MEIS2: variants seen among roughly 807,000 people sequenced by gnomAD.
MEIS2 encodes the protein homeobox protein Meis2.
MEIS2 carries 9 observed loss-of-function variants against 58.6 expected under a neutral mutation model. The observed-to-expected ratio is 0.15, with a 90% confidence interval of 0.09 to 0.27. The LOEUF (loss-of-function observed/expected upper bound fraction) is 0.27. MEIS2 is among the 10% of genes least tolerant of loss of function. The pLI, the probability that MEIS2 is intolerant of heterozygous loss-of-function variation, is 1.00. For synonymous variants in MEIS2, 221 were observed against 228.4 expected (o/e 0.97, Z 0.29); for missense variants, 427 against 635.0 (o/e 0.67, Z 3.52).
intron 10 of MEIS2, 34 bp downstream of exon 10, chr15:36,896,594 T>A: frequency 6.5e-7 from 1 of 1,541,840 alleles, no homozygotes; most frequent in South Asian, 1.2e-5. Flanking sequence ...TTTGTGCCTG[T>A]GGGACATAAA....
intron 8 of MEIS2, among the ~76,000 whole-genome samples, chr15:37,036,196 C>T (rs993808435): frequency 6.6e-6 from 1 of 152,118 alleles, no homozygotes; most frequent in Non-Finnish European, 1.5e-5. Context: ...CAGAAGTGAA[C>T]ATGGTTAGCT....
intron 8 of MEIS2, among the ~76,000 whole-genome samples, chr15:37,005,870 A>G (rs931509612): frequency 6.6e-6 from 1 of 152,172 alleles, no homozygotes; most frequent in Non-Finnish European, 1.5e-5. Context: ...GTAACTTTTG[A>G]CAATGAGTTC....
At chr15:37,050,958 T>C (rs2062892773) in intron 7 of MEIS2, 1 of 152,248 alleles carries the variant, frequency 6.6e-6, no homozygotes, top group African/African-American at 2.4e-5. Flanking sequence ...TGGTTGAGTA[T>C]GACCTCAGTC....
At chr15:36,945,653 T>G (rs1388675460) in intron 9 of MEIS2, among the ~76,000 whole-genome samples, 1 of 152,044 alleles carries the variant, frequency 6.6e-6, no homozygotes, top group African/African-American at 2.4e-5. Context: ...ACTGCCACTT[T>G]CCATGAAGAA....
At chr15:37,100,591 G>T (rs1894988590), upstream of MEIS2, 1 of 147,588 alleles carries the variant, frequency 6.8e-6, no homozygotes. Context: ...AGGCGGGGGG[G>T]CGGGAGGGGG....
intron 9 of MEIS2, among the ~76,000 whole-genome samples, chr15:36,936,715 CAACCTGTTATACTATTCCTTTTTATTATG>C (rs1410721069): frequency 2.6e-5 from 4 of 152,184 alleles, no homozygotes; most frequent in Admixed American, 2.0e-4. Context: ...TAAAATGACT[CAACCTGTTATACTATTCCTTTTTATTATG>C]AATGCCCAGT....
intron 7 of MEIS2, among the ~76,000 whole-genome samples, chr15:37,069,153 G>A (rs1890348054): frequency 6.6e-6 from 1 of 152,106 alleles, no homozygotes; most frequent in Non-Finnish European, 1.5e-5. Flanking sequence ...AAGAAATAGA[G>A]AGAAAACTCT....
chr15:36,991,265 T>G (rs1482127054), intron 8 of MEIS2, among the ~76,000 whole-genome samples: 4 of 152,146 alleles, frequency 2.6e-5, no homozygotes, highest in African/African-American at 4.8e-5. Flanking sequence ...CTTTTTTTTT[T>G]TTGTGCAAAC....
At chr15:36,993,055 G>T (rs1249075903) in intron 8 of MEIS2, among the ~76,000 whole-genome samples, 1 of 152,100 alleles carries the variant, frequency 6.6e-6, no homozygotes, top group Non-Finnish European at 1.5e-5. Context: ...GCTGAGGATT[G>T]TTACACAGTC....
At chr15:36,946,446 C>A (rs2058568721) in intron 9 of MEIS2, among the ~76,000 whole-genome samples, 1 of 151,026 alleles carries the variant, frequency 6.6e-6, no homozygotes, top group African/African-American at 2.4e-5. Flanking sequence ...AAACTATCAT[C>A]TGAGAAGCTA....
chr15:36,984,523 G>A (rs899993123), intron 8 of MEIS2, among the ~76,000 whole-genome samples: 2 of 152,056 alleles, frequency 1.3e-5, no homozygotes, highest in African/African-American at 4.8e-5. Flanking sequence ...TTGCATCTGT[G>A]TTCACCAGGC....
chr15:36,939,883 G>A (rs1038724710), intron 9 of MEIS2, among the ~76,000 whole-genome samples: 1 of 152,106 alleles, frequency 6.6e-6, no homozygotes, highest in Non-Finnish European at 1.5e-5. Context: ...CTTACTTAGG[G>A]TATGGGACGG....
At chr15:37,095,480 C>A in intron 4 of MEIS2, 84 bp downstream of exon 4, 1 of 1,601,132 alleles carries the variant, frequency 6.2e-7, no homozygotes, top group Non-Finnish European at 8.6e-7. Flanking sequence ...TGTTCTAACT[C>A]CCCAGAGCTC....
At chr15:37,003,835 G>A (rs2060823212) in intron 8 of MEIS2, among the ~76,000 whole-genome samples, 1 of 152,126 alleles carries the variant, frequency 6.6e-6, no homozygotes, top group South Asian at 2.1e-4. Context: ...AAGAGACCCT[G>A]GAGAGCTCCC....
chr15:37,011,754 G>C (rs2061167700), intron 8 of MEIS2, among the ~76,000 whole-genome samples: 1 of 151,168 alleles, frequency 6.6e-6, no homozygotes, highest in African/African-American at 2.4e-5. Context: ...TGAGTAGCTG[G>C]GATTACAGGC....
Position 37,037,059 on chromosome 15 carries a change from C to T in MEIS2, c.755-100G>A. The T allele has an allele frequency of 3.4e-6, 4 of 1,168,112 alleles. No individual in the cohort carries two copies. The South Asian group carries it at 5.0e-5, about 15-fold the overall frequency. The allele number at this position is 1,168,112 out of a possible 1,614,324, so 72.4% of individuals were successfully genotyped here. ...TCAGCTAAGCTTGTTGAAAGAAATC[C>T]ATTAAGCGAGTATATTCTCTTTCAT... is the stretch of plus-strand genomic sequence containing the variant. On this transcript the variant is annotated intron_variant, in intron 7 of 11. Coordinates refer to ENST00000561208, the MANE Select transcript of MEIS2 (RefSeq NM_170675.5).
intron 9 of MEIS2, among the ~76,000 whole-genome samples, chr15:36,941,195 C>T (rs1286119867): frequency 6.6e-6 from 1 of 152,190 alleles, no homozygotes; most frequent in Non-Finnish European, 1.5e-5. Context: ...GATTTAGTAA[C>T]TCACGGCTAA....
intron 7 of MEIS2, among the ~76,000 whole-genome samples, chr15:37,063,814 C>T (rs530687311): frequency 6.6e-6 from 1 of 152,128 alleles, no homozygotes; most frequent in Admixed American, 6.5e-5. Context: ...ATCACATTAG[C>T]TTTTCTCCTT....
chr15:37,083,916 C>T (rs748415416), intron 6 of MEIS2, 31 bp from the exon 7 acceptor site: 4 of 1,591,856 alleles, frequency 2.5e-6, no homozygotes, highest in East Asian at 2.2e-5. Context: ...AATTTTTCCA[C>T]AGTTACCATT....
Sources: gnomAD v4.1 joint callset for allele counts (sites outside exome capture counted in the v4.1 genomes callset) on GRCh38, gnomAD v4.1.1 for gene constraint, MANE v1.5 for transcripts, NCBI Gene and HGNC (gene_info 2026-07-23, HGNC 2026-07-21) for gene names.